Variants in NRXN1 observed in about 807,000 individuals in gnomAD.
NRXN1 encodes the protein neurexin-1.
A neutral mutation model predicts 150.9 loss-of-function variants in NRXN1; 39 were observed. The observed-to-expected ratio is 0.26, with a 90% CI of 0.20 to 0.34. The LOEUF is 0.34. Among genes scored for constraint, NRXN1 ranks in the 10% least tolerant of loss-of-function variants. The pLI is 1.00. For synonymous variants in NRXN1, 924 were observed against 757.0 expected, an observed-to-expected ratio of 1.22 and a Z score of -3.62; for missense variants, 1,815 against 1,949.9, an observed-to-expected ratio of 0.93 and a Z score of 1.30.
At chr2:50,053,225 T>A in intron 21 of NRXN1, 46 bp downstream of exon 21, 1 of 1,597,386 alleles carries the variant, frequency 6.3e-7, no homozygotes, top group Non-Finnish European at 8.6e-7. Context: ...CCCACTATCA[T>A]AAATAATATA....
At chr2:50,046,979 T>C (rs1261722737) in intron 21 of NRXN1, among the ~76,000 whole-genome samples, 1 of 152,186 alleles carries the variant, frequency 6.6e-6, no homozygotes, top group Non-Finnish European at 1.5e-5. Flanking sequence ...GACAAATGGT[T>C]CCCATTTCTG....
intron 18 of NRXN1, among the ~76,000 whole-genome samples, chr2:50,147,909 C>G (rs1193419800): frequency 6.6e-6 from 1 of 151,650 alleles, no homozygotes; most frequent in East Asian, 1.9e-4. Flanking sequence ...AGCTGCTTGT[C>G]TCCTGTAGGA....
intron 15 of NRXN1, among the ~76,000 whole-genome samples, chr2:50,488,744 T>G (rs868209736): frequency 6.6e-6 from 1 of 152,206 alleles, no homozygotes; most frequent in Non-Finnish European, 1.5e-5. Context: ...GAGGGAGGTC[T>G]GAGAGCTAGG....
rs76516104 is a variant in NRXN1 at position 50,180,473 on chromosome 2, G to C, written c.3546+56316C>G. Reference sequence around the variant, plus strand: ...ATGTGTGTTGGATACTTAATCCCCAGTGTAACAGTGTTGGGAGATGGTGTC... The same window carrying C: ...ATGTGTGTTGGATACTTAATCCCCACTGTAACAGTGTTGGGAGATGGTGTC... On this transcript the variant is annotated intron_variant, in intron 18 of 22. Transcript: ENST00000401669. Among the ~76,000 whole-genome samples the C allele has an allele frequency of 5.3e-3, 806 of 152,268 alleles. 8 individuals carry two copies. The highest frequency in any genetic ancestry group is 0.019 in the African/African-American group (770 of 41,576).
chr2:49,946,781 G>T (rs1672983790), intron 21 of NRXN1, among the ~76,000 whole-genome samples: 2 of 152,092 alleles, frequency 1.3e-5, no homozygotes, highest in Admixed American at 1.3e-4. Flanking sequence ...AAAGAACAAG[G>T]CTGGAGGCAT....
intron 5 of NRXN1, among the ~76,000 whole-genome samples, chr2:50,739,560 C>T (rs1219005369): frequency 1.3e-5 from 2 of 152,132 alleles, no homozygotes; most frequent in East Asian, 3.8e-4. Context: ...GGATATCCTG[C>T]ATTATCAGAC....
intron 17 of NRXN1, among the ~76,000 whole-genome samples, chr2:50,380,224 T>A (rs936003610): frequency 6.6e-6 from 1 of 152,066 alleles, no homozygotes; most frequent in African/African-American, 2.4e-5. Flanking sequence ...GGGTACTGTG[T>A]GCAAATCTAC....
chr2:50,815,059 A>G (rs114069855), intron 5 of NRXN1, among the ~76,000 whole-genome samples: 3,569 of 152,208 alleles, frequency 0.023, 107 homozygotes, highest in African/African-American at 0.066. Context: ...AGATGAACTG[A>G]CATACTCTTT....
intron 21 of NRXN1, among the ~76,000 whole-genome samples, chr2:49,969,462 C>T (rs1334936908): frequency 6.6e-6 from 1 of 151,946 alleles, no homozygotes; most frequent in Non-Finnish European, 1.5e-5. Flanking sequence ...AATCAAAATT[C>T]TATGTAAAAG....
chr2:50,150,466 T>C (rs1333685083), intron 18 of NRXN1, among the ~76,000 whole-genome samples: 8 of 151,768 alleles, frequency 5.3e-5, no homozygotes, highest in Admixed American at 5.3e-4. Flanking sequence ...ACTTACCTAC[T>C]GATAAGTCCA....
chr2:50,722,630 C>A (rs1696818576), intron 5 of NRXN1, among the ~76,000 whole-genome samples: 1 of 151,990 alleles, frequency 6.6e-6, no homozygotes, highest in African/African-American at 2.4e-5. Context: ...AAAAGGTTAC[C>A]ATTATTGCTT....
intron 2 of NRXN1, among the ~76,000 whole-genome samples, chr2:50,946,434 C>A (rs997962959): frequency 6.6e-6 from 1 of 152,090 alleles, no homozygotes; most frequent in Admixed American, 6.6e-5. Context: ...GATTCTTTAT[C>A]TTGTGGGTGA....
At chr2:50,173,575 T>A (rs752635755) in intron 18 of NRXN1, among the ~76,000 whole-genome samples, 1 of 152,172 alleles carries the variant, frequency 6.6e-6, no homozygotes, top group Non-Finnish European at 1.5e-5. Context: ...TTTGTGATAA[T>A]TATTTGCCAT....
At chr2:50,091,301 C>G in intron 19 of NRXN1, 22 bp downstream of exon 19, 1 of 1,613,630 alleles carries the variant, frequency 6.2e-7, no homozygotes, top group African/African-American at 1.3e-5. Context: ...AATCTTCCCC[C>G]GATACATATT....
chr2:50,663,848 A>C (rs1434070534), intron 5 of NRXN1, among the ~76,000 whole-genome samples: 6 of 150,696 alleles, frequency 4.0e-5, no homozygotes, highest in Admixed American at 3.3e-4. Flanking sequence ...CTAAAGATTT[A>C]AGAATATTTT....
chr2:51,024,252 C>T (rs1309418364), intron 2 of NRXN1, among the ~76,000 whole-genome samples: 1 of 152,138 alleles, frequency 6.6e-6, no homozygotes. Flanking sequence ...GCATTCATCA[C>T]TCAGGAAAGG....
At chr2:50,367,570 G>C (rs1430318454) in intron 17 of NRXN1, among the ~76,000 whole-genome samples, 1 of 151,990 alleles carries the variant, frequency 6.6e-6, no homozygotes, top group African/African-American at 2.4e-5. Context: ...GTTCTAAATT[G>C]AGGAAACAAG....
intron 18 of NRXN1, among the ~76,000 whole-genome samples, chr2:50,096,311 G>A (rs779009258): frequency 3.3e-5 from 5 of 151,948 alleles, no homozygotes; most frequent in East Asian, 1.9e-4. Context: ...TTATAAGACC[G>A]GTATTTACTA....
Position 50,964,480 on chromosome 2 carries a change from T to G in NRXN1, c.773-38525A>C, listed in dbSNP as rs573759138. Among the ~76,000 whole-genome samples, 6 of 151,666 alleles carry G rather than the reference T, an allele frequency of 4.0e-5. No individual in the cohort carries two copies. In the East Asian group the frequency reaches 7.7e-4, roughly 20 times the overall value. ...GGATGTAACTTTTTCATTTAAAAGA[T>G]GTAAACATTGCCTTTCCCTCAAACG... On this transcript the variant is annotated intron_variant, in intron 2 of 22. Coordinates refer to ENST00000401669, the MANE Select transcript of NRXN1 (RefSeq NM_001330078.2).
Sources: allele counts gnomAD v4.1 joint callset (sites outside exome capture counted in the v4.1 genomes callset), GRCh38; gene constraint gnomAD v4.1.1; transcripts MANE v1.5; gene names NCBI Gene and HGNC (gene_info 2026-07-23, HGNC 2026-07-21).